BMERB1: variants seen among roughly 807,000 people sequenced by gnomAD.
BMERB1 encodes the protein bMERB domain-containing protein 1.
Under a neutral mutation model 23.6 loss-of-function variants are expected in BMERB1, and 12 were observed. The ratio of observed to expected loss-of-function variants is 0.51; its 90% CI spans 0.33 to 0.82. BMERB1 has a LOEUF of 0.82. Ranked by LOEUF, BMERB1 falls within the 40% of genes least tolerant of loss-of-function variation. BMERB1 has a pLI of 0.03. For missense variants in BMERB1, 247 were observed against 255.4 expected (o/e 0.97, Z 0.22); for synonymous variants, 122 against 96.6 (o/e 1.26, Z -1.54).
At position 15,534,303 on chromosome 16, in the gene BMERB1, A is replaced by AAAG. The variant is rs1555511942; in HGVS notation, c.230+18877_230+18878insGAA. Among the ~76,000 whole-genome samples the AAAG allele has an allele frequency of 2.8e-3, 330 of 116,922 alleles. 23 individuals carry two copies. The highest frequency in any genetic ancestry group is 1.0e-2 in the African/African-American group (285 of 28,544). 76.7% of individuals were successfully genotyped at this position (116,922 alleles called of 152,430 possible). ...TTTAATTGCAAAAAAAAAAAAAAAA[A>AAAG]AAAAAAAAAAAAGAAAAGGCCAGGC... is the stretch of plus-strand genomic sequence containing the variant. On this transcript the variant is annotated intron_variant, in intron 2 of 5. Coordinates refer to ENST00000300006, the MANE Select transcript of BMERB1 (RefSeq NM_033201.3).
At chr16:15,572,669 A>G (rs950515445) in intron 3 of BMERB1, among the ~76,000 whole-genome samples, 9 of 152,218 alleles carry the variant, frequency 5.9e-5, no homozygotes, top group Admixed American at 3.9e-4. Context: ...AGAAACCCCA[A>G]TGCAATTGAT....
At chr16:15,445,377 A>G (rs1278100214) in intron 1 of BMERB1, among the ~76,000 whole-genome samples, 1 of 152,230 alleles carries the variant, frequency 6.6e-6, no homozygotes, top group African/African-American at 2.4e-5. Context: ...GGCAACAGGT[A>G]CATAAAAAGG....
At position 15,501,587 on chromosome 16, in the gene BMERB1, G is replaced by T. The variant is rs1598475284; in HGVS notation, c.107-13718G>T. The stretch of plus-strand genomic sequence containing the variant: ...CCTCCCCAGTTCAAGCAATTCTCCT[G>T]CCTCAGCGTCCTGAATAGCTGGGAT... On this transcript the variant is annotated intron_variant, in intron 1 of 5. Transcript: ENST00000300006. 3.3e-5 allele frequency among the ~76,000 whole-genome samples: 5 copies of T among 152,274 alleles called. No individual in the cohort carries two copies. The South Asian group carries it at 8.3e-4, about 25-fold the overall frequency.
chr16:15,583,376 G>A (rs377677386), intron 5 of BMERB1, 138 bp downstream of exon 5: 9 of 693,588 alleles, frequency 1.3e-5, no homozygotes, highest in East Asian at 5.1e-5. Flanking sequence ...TCAGGAGTTC[G>A]AGACCAGCCT....
rs1420221385 is a variant in BMERB1 at position 15,481,552 on chromosome 16, GC to G, written c.107-33750del. ...AAAAAAAAAACCCACCCAGGTGCAT[GC>G]CCAACTACTACCAGCGATTTGTCAC... On this transcript the variant is annotated intron_variant, in intron 1 of 5. Transcript: ENST00000300006. Among the ~76,000 whole-genome samples, 3 of 151,948 alleles carry G rather than the reference GC, an allele frequency of 2.0e-5. No individual in the cohort carries two copies. The East Asian group carries it at 5.8e-4, about 29-fold the overall frequency.
chr16:15,470,196 A>AT (rs2051216964), intron 1 of BMERB1, among the ~76,000 whole-genome samples: 1 of 152,106 alleles, frequency 6.6e-6, no homozygotes, highest in Non-Finnish European at 1.5e-5. Flanking sequence ...TGAGTGTTGG[A>AT]TTTTGTCAAA....
At chr16:15,553,233 C>T (rs926874926) in intron 2 of BMERB1, among the ~76,000 whole-genome samples, 2 of 152,220 alleles carry the variant, frequency 1.3e-5, no homozygotes, top group Admixed American at 6.5e-5. Context: ...GTCTTGAACT[C>T]GTGACCTGAA....
intron 1 of BMERB1, among the ~76,000 whole-genome samples, chr16:15,478,670 C>T (rs940376094): frequency 1.3e-5 from 2 of 152,188 alleles, no homozygotes; most frequent in African/African-American, 4.8e-5. Context: ...TTCCCAATGA[C>T]AGTGCCAAAG....
rs57021793 is a variant in BMERB1, at chr16:15,512,012, C to CAAAAAAAA, written c.107-3274_107-3267dup. On this transcript the variant is annotated intron_variant, in intron 1 of 5. Transcript: ENST00000300006. ...TGGGCAACAGAGCAAGACTTGCTCT[C>CAAAAAAAA]AAAAAAAAAAAAAAAAAAAAAAAAA... 7.4e-3 allele frequency among the ~76,000 whole-genome samples: 451 copies of CAAAAAAAA among 61,040 alleles called. 23 individuals are homozygous for CAAAAAAAA. Among genetic ancestry groups the CAAAAAAAA allele is most frequent in the Middle Eastern group, 0.021 (1 of 48 alleles). The allele number at this position is 61,040 out of a possible 152,430, so 40.0% of individuals were successfully genotyped here. A position where few individuals can be genotyped will look rare whatever the true frequency, so the allele number is the denominator to read the frequency against.
At chr16:15,572,265 C>G (rs570316539) in intron 3 of BMERB1, among the ~76,000 whole-genome samples, 39 of 152,286 alleles carry the variant, frequency 2.6e-4, no homozygotes, top group Admixed American at 1.4e-3. Flanking sequence ...TGTGAATATC[C>G]CATAAATAAC....
chr16:15,479,754 TA>T (rs955991974), intron 1 of BMERB1, among the ~76,000 whole-genome samples: 1 of 151,986 alleles, frequency 6.6e-6, no homozygotes, highest in Non-Finnish European at 1.5e-5. Flanking sequence ...TTACCTATGT[TA>T]CCATGTAATG....
At chr16:15,523,883 A>G (rs2051880485) in intron 2 of BMERB1, among the ~76,000 whole-genome samples, 1 of 152,176 alleles carries the variant, frequency 6.6e-6, no homozygotes, top group Admixed American at 6.5e-5. Flanking sequence ...CCTCTCCCCA[A>G]GAGAAGATGG....
chr16:15,480,361 G>T (rs1037345734), intron 1 of BMERB1, among the ~76,000 whole-genome samples: 2 of 151,854 alleles, frequency 1.3e-5, no homozygotes, highest in African/African-American at 2.4e-5. Flanking sequence ...TGATCCGCCC[G>T]TCTAGGCCTC....
At chr16:15,528,389 C>T (rs1193380047) in intron 2 of BMERB1, among the ~76,000 whole-genome samples, 1 of 152,180 alleles carries the variant, frequency 6.6e-6, no homozygotes, top group Non-Finnish European at 1.5e-5. Context: ...CCCCTTAATA[C>T]TATTGCATTG....
chr16:15,582,338 T>C (rs2031035371), intron 4 of BMERB1, among the ~76,000 whole-genome samples: 1 of 152,078 alleles, frequency 6.6e-6, no homozygotes, highest in African/African-American at 2.4e-5. Context: ...GAGGCAGAGG[T>C]TGCAGTGAGC....
At chr16:15,586,430 G>A (rs1004815642) in intron 5 of BMERB1, among the ~76,000 whole-genome samples, 9 of 152,222 alleles carry the variant, frequency 5.9e-5, no homozygotes, top group African/African-American at 2.2e-4. Flanking sequence ...CCCTGTGCTA[G>A]GCTTGGCAGG....
At chr16:15,472,822 T>C (rs775387098) in intron 1 of BMERB1, among the ~76,000 whole-genome samples, 17 of 152,066 alleles carry the variant, frequency 1.1e-4, no homozygotes, top group Non-Finnish European at 2.5e-4. Flanking sequence ...CTTTTCCTAC[T>C]TTCCTACAGG....
At chr16:15,535,977 T>G (rs899578538) in intron 2 of BMERB1, among the ~76,000 whole-genome samples, 2 of 152,028 alleles carry the variant, frequency 1.3e-5, no homozygotes, top group Non-Finnish European at 2.9e-5. Context: ...GAGAACAGCA[T>G]GGAGGAAACT....
chr16:15,438,585 G>A (rs974873741), intron 1 of BMERB1, among the ~76,000 whole-genome samples: 6 of 150,844 alleles, frequency 4.0e-5, no homozygotes, highest in African/African-American at 1.5e-4. Context: ...TCAGCCTCCC[G>A]AGTAGCTGGG....
Sources: gnomAD v4.1 joint callset for allele counts (sites outside exome capture counted in the v4.1 genomes callset) on GRCh38, gnomAD v4.1.1 for gene constraint, MANE v1.5 for transcripts, NCBI Gene and HGNC (gene_info 2026-07-23, HGNC 2026-07-21) for gene names.